WASF3: variants seen among roughly 807,000 people sequenced by gnomAD.
WASF3 encodes actin-binding protein WASF3.
A neutral mutation model predicts 46.6 loss-of-function variants in WASF3; 11 were observed. That is an observed-to-expected ratio of 0.24 (90% CI 0.15 to 0.39). The LOEUF is 0.39. Ranked by LOEUF, WASF3 falls within the 10% of genes least tolerant of loss-of-function variation. The pLI, the probability that WASF3 is intolerant of heterozygous loss-of-function variation, is 1.00. For synonymous variants in WASF3, 242 were observed against 259.7 expected, an observed-to-expected ratio of 0.93 and a Z score of 0.65; for missense variants, 576 against 669.8, an observed-to-expected ratio of 0.86 and a Z score of 1.55.
intron 1 of WASF3, among the ~76,000 whole-genome samples, chr13:26,586,560 T>TGAGA (rs1880133483): frequency 6.6e-6 from 1 of 152,232 alleles, no homozygotes; most frequent in Non-Finnish European, 1.5e-5. Flanking sequence ...GGATGTTCTC[T>TGAGA]ACCCTTATTC....
chr13:26,636,340 G>C (rs1881819680), intron 2 of WASF3, among the ~76,000 whole-genome samples: 1 of 152,222 alleles, frequency 6.6e-6, no homozygotes, highest in Admixed American at 6.5e-5. Context: ...AGAATCTCCT[G>C]GTCTGCTGGT....
chr13:26,559,897 A>C (rs1879242444), intron 1 of WASF3, among the ~76,000 whole-genome samples: 1 of 129,920 alleles, frequency 7.7e-6, no homozygotes, highest in African/African-American at 3.0e-5. Flanking sequence ...GGCTCACTGC[A>C]ACCTCCGCCT....
intron 5 of WASF3, among the ~76,000 whole-genome samples, chr13:26,670,225 A>T (rs1882890368): frequency 6.6e-6 from 1 of 152,302 alleles, no homozygotes; most frequent in Admixed American, 6.5e-5. Context: ...ATGAAGCTGG[A>T]AACCATCATT....
intron 1 of WASF3, among the ~76,000 whole-genome samples, chr13:26,611,836 ATT>A (rs35868642): frequency 6.8e-6 from 1 of 147,988 alleles, no homozygotes; most frequent in African/African-American, 2.5e-5. Flanking sequence ...TGATCATTCT[ATT>A]TTTTTTTTTT....
chr13:26,680,715 T>C (rs1236331938), intron 7 of WASF3, among the ~76,000 whole-genome samples: 1 of 152,198 alleles, frequency 6.6e-6, no homozygotes, highest in Non-Finnish European at 1.5e-5. Context: ...ATCCTGTTTC[T>C]AAATGGAATG....
intron 1 of WASF3, among the ~76,000 whole-genome samples, chr13:26,608,915 T>C (rs932077193): frequency 6.6e-6 from 1 of 152,222 alleles, no homozygotes; most frequent in Non-Finnish European, 1.5e-5. Flanking sequence ...ATTGATGATG[T>C]GATCTCATCG....
chr13:26,676,080 C>G (rs1430961474), intron 6 of WASF3, among the ~76,000 whole-genome samples: 1 of 152,196 alleles, frequency 6.6e-6, no homozygotes, highest in Non-Finnish European at 1.5e-5. Context: ...ACAGGATTCA[C>G]TTATTCCGTA....
chr13:26,655,993 G>A lies in WASF3; in HGVS notation c.134-9035G>A, dbSNP rs532709390. ...CCAAGAAGCTTGATTCCTTTTAGTGGAGTACAAAAAGCCAAAATCTTGTCA... is the reference window on the plus strand; with the variant it reads ...CCAAGAAGCTTGATTCCTTTTAGTGAAGTACAAAAAGCCAAAATCTTGTCA... On this transcript the variant is annotated intron_variant, in intron 3 of 9. Transcript: ENST00000335327. Among the ~76,000 whole-genome samples, 43 of 152,198 alleles carry A rather than the reference G, an allele frequency of 2.8e-4. 1 individual carries two copies. The highest frequency in any genetic ancestry group is 1.0e-3 in the African/African-American group (42 of 41,526).
intron 1 of WASF3, among the ~76,000 whole-genome samples, chr13:26,559,162 C>T (rs1420531652): frequency 1.3e-5 from 2 of 152,186 alleles, no homozygotes; most frequent in Non-Finnish European, 2.9e-5. Flanking sequence ...TCTCCAGCTC[C>T]CTTCTCCCAG....
At chr13:26,607,554 CT>C (rs1429263726) in intron 1 of WASF3, among the ~76,000 whole-genome samples, 2 of 152,014 alleles carry the variant, frequency 1.3e-5, no homozygotes, top group Non-Finnish European at 2.9e-5. Flanking sequence ...AACTGGGCCT[CT>C]TCTGATTGGT....
At chr13:26,629,454 T>G (rs928235319) in intron 2 of WASF3, among the ~76,000 whole-genome samples, 17 of 152,172 alleles carry the variant, frequency 1.1e-4, no homozygotes, top group Admixed American at 2.6e-4. Context: ...TGCCCACAGC[T>G]CCACCTGCTG....
At chr13:26,661,237 C>T (rs1485042728) in intron 3 of WASF3, among the ~76,000 whole-genome samples, 1 of 152,220 alleles carries the variant, frequency 6.6e-6, no homozygotes, top group Non-Finnish European at 1.5e-5. Flanking sequence ...TGTTGTCATC[C>T]TGCAGAAGCA....
chr13:26,631,772 A>G (rs938440538), intron 2 of WASF3, among the ~76,000 whole-genome samples: 31 of 152,206 alleles, frequency 2.0e-4, no homozygotes, highest in African/African-American at 6.5e-4. Context: ...CAGTATGGCC[A>G]TTTTCACAAT....
At chr13:26,545,599 T>A in the WASF3 span, among the ~76,000 whole-genome samples, 1 of 152,192 alleles carries the variant, frequency 6.6e-6, no homozygotes, top group Non-Finnish European at 1.5e-5. Context: ...TGTTTATTTA[T>A]GTATTTATGT....
rs551391724 is a variant in WASF3, at chr13:26,682,305, G to A, written c.984-302G>A. ...ATCCCAGTGTGAAGCCTTCACTGGC[G>A]CTGCCGTCCTGGCCTCTGCAGTCAG... On this transcript the variant is annotated intron_variant, in intron 8 of 9. Coordinates refer to ENST00000335327, the MANE Select transcript of WASF3 (RefSeq NM_006646.6). The surrounding 1 kb of genome is among the most constrained non-coding windows in gnomAD (Gnocchi z 4.4). Among the ~76,000 whole-genome samples, 13 of 152,294 alleles carry A rather than the reference G, an allele frequency of 8.5e-5. No individual in the cohort carries two copies. Among genetic ancestry groups the A allele is most frequent in the Non-Finnish European group, 1.6e-4 (11 of 68,010 alleles).
chr13:26,547,929 A>T, the WASF3 span, among the ~76,000 whole-genome samples: 1 of 152,170 alleles, frequency 6.6e-6, no homozygotes, highest in Non-Finnish European at 1.5e-5. Context: ...GTAGATTTTG[A>T]CTGAGTCATC....
intron 1 of WASF3, among the ~76,000 whole-genome samples, chr13:26,608,747 A>G (rs1880880033): frequency 6.6e-6 from 1 of 152,206 alleles, no homozygotes; most frequent in Non-Finnish European, 1.5e-5. Context: ...GGAGAAACAC[A>G]AAGATTGCTG....
intron 2 of WASF3, among the ~76,000 whole-genome samples, chr13:26,628,952 T>C (rs1037357254): frequency 2.6e-5 from 4 of 152,210 alleles, no homozygotes; most frequent in Non-Finnish European, 5.9e-5. Flanking sequence ...AGTATGACCA[T>C]CCTTTCAGAG....
At chr13:26,561,581 C>T (rs557706168) in intron 1 of WASF3, among the ~76,000 whole-genome samples, 32 of 152,284 alleles carry the variant, frequency 2.1e-4, no homozygotes, top group Middle Eastern at 3.4e-3. Context: ...GAGTTATTAG[C>T]TGTCCCAGAC....
Sources: gnomAD v4.1 joint callset for allele counts (sites outside exome capture counted in the v4.1 genomes callset) on GRCh38, gnomAD v4.1.1 for gene constraint, Gnocchi (gnomAD v3.1) non-coding constraint, MANE v1.5 for transcripts, NCBI Gene and HGNC (gene_info 2026-07-23, HGNC 2026-07-21) for gene names.